DSG4: variants seen among roughly 807,000 people sequenced by gnomAD.
DSG4 encodes desmoglein 4, also known as desmoglein-4.
In DSG4, 87 loss-of-function variants were observed where a neutral mutation model predicts 93.1. The ratio of observed to expected loss-of-function variants is 0.93; its 90% CI spans 0.79 to 1.12. The LOEUF (loss-of-function observed/expected upper bound fraction) is 1.12, where lower values mean the gene tolerates loss of function less well. Ranked by LOEUF, DSG4 falls within the 50% of genes most tolerant of loss-of-function variation. The pLI is 0.00. For synonymous variants in DSG4, 432 were observed against 452.9 expected, an observed-to-expected ratio of 0.95 and a Z score of 0.59; for missense variants, 1,373 against 1,285.7, an observed-to-expected ratio of 1.07 and a Z score of -1.04.
intron 10 of DSG4, among the ~76,000 whole-genome samples, chr18:31,402,620 G>T (rs555340052): frequency 5.3e-4 from 80 of 152,214 alleles, no homozygotes; most frequent in Admixed American, 1.7e-3. Flanking sequence ...TGCTTTCTCA[G>T]AAAAGGACCT....
intron 7 of DSG4, among the ~76,000 whole-genome samples, chr18:31,391,428 G>T (rs2072248435): frequency 6.6e-6 from 1 of 152,138 alleles, no homozygotes; most frequent in African/African-American, 2.4e-5. Flanking sequence ...AGCCTTCTCT[G>T]TGAAAGCAAC....
chr18:31,403,165 G>C (rs1001542677), intron 10 of DSG4, among the ~76,000 whole-genome samples: 7 of 151,970 alleles, frequency 4.6e-5, no homozygotes, highest in African/African-American at 7.2e-5. Flanking sequence ...TTTTAGGAAG[G>C]GTGAAAAGAA....
chr18:31,412,299 C>T (rs2072503347), intron 15 of DSG4, among the ~76,000 whole-genome samples: 1 of 152,156 alleles, frequency 6.6e-6, no homozygotes, highest in South Asian at 2.1e-4. Context: ...TCTCACTCAT[C>T]TGTGGAAGCT....
At position 31,392,143 on chromosome 18, in the gene DSG4, C is replaced by T; in HGVS notation, c.820-12C>T. 1 of 1,612,726 alleles carries T rather than the reference C, an allele frequency of 6.2e-7. No individual in the cohort carries two copies. The highest frequency in any genetic ancestry group is 2.2e-5 in the East Asian group (1 of 44,754). ...AAATTCATTGACTACAAAATTGATC[C>T]TTGCATTTTAGTACTCAGCCAGTAT... is the stretch of plus-strand genomic sequence containing the variant. On this transcript the variant is annotated splice_polypyrimidine_tract_variant and intron_variant, in intron 7 of 15. Coordinates refer to ENST00000308128, the MANE Select transcript of DSG4 (RefSeq NM_177986.5).
chr18:31,400,707 T>C (rs1345905297), intron 9 of DSG4, among the ~76,000 whole-genome samples, 174 bp from the exon 10 acceptor site: 1 of 152,202 alleles, frequency 6.6e-6, no homozygotes, highest in East Asian at 1.9e-4. Context: ...TGTATATTAA[T>C]GTATATATCA....
chr18:31,400,277 C>T (rs1052923768), intron 9 of DSG4, among the ~76,000 whole-genome samples: 15 of 152,046 alleles, frequency 9.9e-5, no homozygotes, highest in African/African-American at 3.1e-4. Context: ...AATTGACAGA[C>T]GCAAAAAAAC....
intron 8 of DSG4, among the ~76,000 whole-genome samples, chr18:31,398,907 A>G (rs2072333902): frequency 6.6e-6 from 1 of 152,166 alleles, no homozygotes; most frequent in Non-Finnish European, 1.5e-5. Flanking sequence ...CTATTTATTT[A>G]TTCATTCAAT....
At chr18:31,393,848 C>A (rs758363384) in intron 8 of DSG4, among the ~76,000 whole-genome samples, 10 of 152,188 alleles carry the variant, frequency 6.6e-5, no homozygotes, top group Non-Finnish European at 1.5e-4. Context: ...CACAACCATA[C>A]ACACTGAAAT....
At chr18:31,387,636 T>TA (rs1296021379) in intron 3 of DSG4, among the ~76,000 whole-genome samples, 2 of 152,148 alleles carry the variant, frequency 1.3e-5, no homozygotes, top group Non-Finnish European at 2.9e-5. Flanking sequence ...TTCTTCTATG[T>TA]AAAAAGGGCC....
Position 31,391,116 on chromosome 18 carries a change from T to C in DSG4, c.723T>C (p.Asp241=). ...SMYNLVVRGS[D]RDGAADGLSS... ...ACAACCTGGTTGTGAGAGGCTCAGATCGGGATGGAGCTGCAGATGGACTGT... is the reference window on the plus strand; with the variant it reads ...ACAACCTGGTTGTGAGAGGCTCAGACCGGGATGGAGCTGCAGATGGACTGT... The change falls in exon 7 of 16, where the codon GAT becomes GAC. Residue 241 remains aspartate (D), a synonymous_variant. Coordinates refer to ENST00000308128, the MANE Select transcript of DSG4 (RefSeq NM_177986.5). 1.1e-5 allele frequency: 17 copies of C among 1,613,772 alleles called. No individual in the cohort carries two copies. The highest frequency in any genetic ancestry group is 1.4e-5 in the Non-Finnish European group (17 of 1,179,772).
chr18:31,387,032 G>A (rs572074843), intron 3 of DSG4, among the ~76,000 whole-genome samples: 1 of 152,144 alleles, frequency 6.6e-6, no homozygotes, highest in African/African-American at 2.4e-5. Context: ...AGAAGAAAGG[G>A]CTGGATCTCC....
chr18:31,392,404 AC>A, intron 8 of DSG4, 64 bp downstream of exon 8: 1 of 1,533,816 alleles, frequency 6.5e-7, no homozygotes, highest in Non-Finnish European at 8.9e-7. Context: ...GTTTTAAATG[AC>A]CTTAGAGACA....
Position 31,399,414 on chromosome 18 carries a change from C to T in DSG4, c.1148C>T (p.Pro383Leu), listed in dbSNP as rs773617073. ...CAAGTTGTTGATGTGAGAGAAGGAC[C>T]TGCATTTCATCCAAGTACTATGGCT... Reference protein sequence around the residue: ...RIQVVDVREGPAFHPSTMAFS... With the variant: ...RIQVVDVREGLAFHPSTMAFS... Residue 383 changes from proline (P) to leucine (L), a missense_variant, in exon 9 of 16, where the codon CCT becomes CTT. Physicochemically the swap from Pro to Leu is moderately conservative, Grantham distance 98. Transcript: ENST00000308128. 95 of 1,613,966 alleles carry T rather than the reference C, an allele frequency of 5.9e-5. 4 individuals are homozygous for T. Among genetic ancestry groups the T allele is most frequent in the Admixed American group, 1.5e-4 (9 of 60,004 alleles).
intron 12 of DSG4, among the ~76,000 whole-genome samples, chr18:31,407,546 TG>T (rs768598546): frequency 1.6e-4 from 24 of 152,214 alleles, no homozygotes; most frequent in Non-Finnish European, 3.2e-4. Context: ...TTAGGTTTCA[TG>T]GGGATCAAAA....
At chr18:31,400,547 A>G (rs979492101) in intron 9 of DSG4, among the ~76,000 whole-genome samples, 6 of 152,352 alleles carry the variant, frequency 3.9e-5, no homozygotes, top group Admixed American at 6.5e-5. Flanking sequence ...ACAAAAATAA[A>G]TAAGCAATAT....
chr18:31,397,935 G>A (rs1339156784), intron 8 of DSG4, among the ~76,000 whole-genome samples: 4 of 150,902 alleles, frequency 2.7e-5, no homozygotes, highest in Admixed American at 6.6e-5. Flanking sequence ...GCTGAGGCAG[G>A]AGAATTGCTT....
chr18:31,397,226 G>A (rs1474578008), intron 8 of DSG4, among the ~76,000 whole-genome samples: 2 of 152,238 alleles, frequency 1.3e-5, no homozygotes, highest in East Asian at 1.9e-4. Context: ...TACATTTCTG[G>A]ATGTGTTATC....
chr18:31,404,574 TC>T (rs1165518228), intron 11 of DSG4, among the ~76,000 whole-genome samples: 1 of 152,106 alleles, frequency 6.6e-6, no homozygotes, highest in Non-Finnish European at 1.5e-5. Context: ...AGGAAATACT[TC>T]CCACCTCTTT....
chr18:31,388,065 G>A (rs190461452), intron 3 of DSG4, among the ~76,000 whole-genome samples: 5 of 152,100 alleles, frequency 3.3e-5, no homozygotes, highest in East Asian at 3.9e-4. Flanking sequence ...CTATTTCTGC[G>A]TATGCTAAAA....
Sources: allele counts gnomAD v4.1 joint callset (sites outside exome capture counted in the v4.1 genomes callset), GRCh38; gene constraint gnomAD v4.1.1; transcripts MANE v1.5; gene names NCBI Gene and HGNC (gene_info 2026-07-23, HGNC 2026-07-21).